Variants in MYO16 observed in about 807,000 individuals in gnomAD.
MYO16 encodes myosin XVI.
A neutral mutation model predicts 205.3 loss-of-function variants in MYO16; 94 were observed. The ratio of observed to expected loss-of-function variants is 0.46; its 90% confidence interval spans 0.39 to 0.54. The LOEUF (loss-of-function observed/expected upper bound fraction) is 0.54, where lower values mean the gene tolerates loss of function less well. Ranked by LOEUF, MYO16 falls within the 20% of genes least tolerant of loss-of-function variation. The probability of loss-of-function intolerance (pLI) is 0.00; values close to 1 mark genes in which losing one functional copy is unlikely to be tolerated. For synonymous variants in MYO16, 988 were observed against 954.0 expected, an observed-to-expected ratio of 1.04 and a Z score of -0.66; for missense variants, 2,315 against 2,387.5, an observed-to-expected ratio of 0.97 and a Z score of 0.63.
chr13:108,960,227 A>G (rs1883529050), intron 17 of MYO16, among the ~76,000 whole-genome samples: 1 of 147,004 alleles, frequency 6.8e-6, no homozygotes, highest in Admixed American at 7.0e-5. Flanking sequence ...GTAAGTTATG[A>G]TTGCGCCACT....
At chr13:109,176,603 A>AAAAAAAAAAAAAAAAAAAAAAAAAC (rs1210061351) in intron 33 of MYO16, among the ~76,000 whole-genome samples, 1 of 142,676 alleles carries the variant, frequency 7.0e-6, no homozygotes, top group African/African-American at 2.6e-5. Context: ...AAAAAAAAAG[A>AAAAAAAAAAAAAAAAAAAAAAAAAC]CCTCCTTTGC....
chr13:109,019,871 A>G lies in MYO16; in HGVS notation c.2756A>G (p.Asp919Gly). 6.2e-7 allele frequency: 1 copy of G among 1,614,140 alleles called. No individual in the cohort carries two copies. The highest frequency in any genetic ancestry group is 8.5e-7 in the Non-Finnish European group (1 of 1,180,008). ...GGGAATGGGAATGTTGCCCTCAAAGACCACGGTACAGCCTTCACCATCATG... is the reference window on the plus strand; with the variant it reads ...GGGAATGGGAATGTTGCCCTCAAAGGCCACGGTACAGCCTTCACCATCATG... Reference protein sequence around the residue: ...KDGNGNVALKDHGTAFTIMHY... With the variant: ...KDGNGNVALKGHGTAFTIMHY... Residue 919 changes from aspartate (D) to glycine (G), a missense_variant, in exon 23 of 35, where the codon GAC becomes GGC. Physicochemically the swap from Asp to Gly is moderately conservative, Grantham distance 94. This residue lies in a region of MYO16 where 1,213 missense variants were observed against 1,274.4 expected (regional missense o/e 0.95). Coordinates refer to ENST00000457511, the MANE Select transcript of MYO16 (RefSeq NM_001198950.3).
chr13:108,909,039 A>C (rs536041722), intron 15 of MYO16, among the ~76,000 whole-genome samples: 1 of 125,198 alleles, frequency 8.0e-6, no homozygotes, highest in African/African-American at 2.7e-5. Context: ...ACATAATCTG[A>C]TTATTCATAA....
At chr13:108,655,950 A>G (rs1186852717) in intron 1 of MYO16, among the ~76,000 whole-genome samples, 4 of 152,194 alleles carry the variant, frequency 2.6e-5, no homozygotes, top group Non-Finnish European at 5.9e-5. Flanking sequence ...TCGATTTTAC[A>G]GGCTCATAGG....
chr13:108,862,605 A>T (rs1054689492), intron 11 of MYO16, among the ~76,000 whole-genome samples: 4 of 152,188 alleles, frequency 2.6e-5, no homozygotes, highest in Non-Finnish European at 2.9e-5. Context: ...TCCTAAACAA[A>T]TCACCAAATA....
chr13:108,654,096 G>A (rs1881136215), intron 1 of MYO16, among the ~76,000 whole-genome samples: 1 of 147,144 alleles, frequency 6.8e-6, no homozygotes, highest in East Asian at 2.0e-4. Context: ...TGGCTTATGG[G>A]ATGGGGTTAG....
intron 2 of MYO16, among the ~76,000 whole-genome samples, chr13:108,690,186 G>C (rs1278388169): frequency 6.6e-6 from 1 of 151,942 alleles, no homozygotes; most frequent in Non-Finnish European, 1.5e-5. Context: ...TGAATCCTTT[G>C]GACTTCAGTG....
chr13:108,974,428 C>G (rs557759221), intron 20 of MYO16, among the ~76,000 whole-genome samples: 3 of 152,026 alleles, frequency 2.0e-5, no homozygotes, highest in Non-Finnish European at 4.4e-5. Context: ...TACAGTTTTC[C>G]ATATAACTTC....
At chr13:109,161,261 C>T (rs1878367752) in intron 32 of MYO16, among the ~76,000 whole-genome samples, 1 of 152,204 alleles carries the variant, frequency 6.6e-6, no homozygotes, top group African/African-American at 2.4e-5. Flanking sequence ...GTAAACTCGT[C>T]ACAGGAAAGA....
chr13:108,957,572 A>AC, intron 16 of MYO16, 116 bp from the exon 17 acceptor site: 1 of 655,410 alleles, frequency 1.5e-6, no homozygotes, highest in East Asian at 2.8e-5. Context: ...ACGTGGGGAC[A>AC]CCATGTCCAG....
rs756582145 is a variant in MYO16 at position 109,019,788 on chromosome 13, A to T, written c.2673A>T (p.Lys891Asn). ...CAGTGGAATCAAATTTTCCAAAAAAACTACAAAGTCTCCTAGAATCCTCAA... is the reference window on the plus strand; with the variant it reads ...CAGTGGAATCAAATTTTCCAAAAAATCTACAAAGTCTCCTAGAATCCTCAA... ...IWSVESNFPKKLQSLLESSNT... is the reference protein window; with the variant it reads ...IWSVESNFPKNLQSLLESSNT... The change falls in exon 23 of 35, where the codon AAA becomes AAT. Residue 891 changes from lysine (K) to asparagine (N), a missense_variant. By Grantham distance (94) the Lys-to-Asn change is moderately conservative. This residue lies in a region of MYO16 where 1,213 missense variants were observed against 1,274.4 expected (regional missense o/e 0.95). Coordinates refer to ENST00000457511, the MANE Select transcript of MYO16 (RefSeq NM_001198950.3). 3.7e-6 allele frequency: 6 copies of T among 1,614,154 alleles called. No individual in the cohort carries two copies. The highest frequency in any genetic ancestry group is 1.7e-6 in the Non-Finnish European group (2 of 1,180,002).
the MYO16 span, among the ~76,000 whole-genome samples, chr13:108,496,223 C>T: frequency 1.3e-5 from 2 of 152,164 alleles, no homozygotes; most frequent in Admixed American, 1.3e-4. Context: ...GGAGTAGAAG[C>T]CTTCTGAACT....
At chr13:108,749,800 T>C (rs1392932888) in intron 4 of MYO16, among the ~76,000 whole-genome samples, 1 of 152,246 alleles carries the variant, frequency 6.6e-6, no homozygotes, top group African/African-American at 2.4e-5. Context: ...AGTTGAAAAC[T>C]TATGGCCATT....
At position 108,731,134 on chromosome 13, in the gene MYO16, TTGTC is replaced by T. The variant is rs1594247010; in HGVS notation, c.507+3553_507+3556del. Among the ~76,000 whole-genome samples the T allele has an allele frequency of 3.9e-5, 6 of 152,276 alleles. No individual in the cohort carries two copies. In the East Asian group the frequency reaches 1.2e-3, roughly 29 times the overall value. ...AATTTGATGTATATTCAGTAATTCT[TTGTC>T]TAACTAACACCAGCTTCAGGTTAGG... is the stretch of plus-strand genomic sequence containing the variant. On this transcript the variant is annotated intron_variant, in intron 4 of 34. Coordinates refer to ENST00000457511, the MANE Select transcript of MYO16 (RefSeq NM_001198950.3).
chr13:108,706,401 T>C (rs1343672787), intron 2 of MYO16, among the ~76,000 whole-genome samples: 1 of 152,156 alleles, frequency 6.6e-6, no homozygotes, highest in African/African-American at 2.4e-5. Flanking sequence ...GTGTGATCCT[T>C]GAGGAGGAGA....
intron 16 of MYO16, among the ~76,000 whole-genome samples, chr13:108,937,864 T>G (rs564312657): frequency 6.6e-6 from 1 of 152,322 alleles, no homozygotes; most frequent in South Asian, 2.1e-4. Flanking sequence ...ATGCTTTGAA[T>G]GCTTTACCTG....
chr13:108,692,687 A>G (rs1253930758), intron 2 of MYO16, among the ~76,000 whole-genome samples: 3 of 152,224 alleles, frequency 2.0e-5, no homozygotes, highest in Non-Finnish European at 4.4e-5. Flanking sequence ...GACAACAGTT[A>G]TGAATGCTTA....
chr13:108,561,981 A>ACCTT, the MYO16 span, among the ~76,000 whole-genome samples: 23 of 152,082 alleles, frequency 1.5e-4, no homozygotes, highest in Admixed American at 2.0e-4. Context: ...AATCAATTAA[A>ACCTT]CCTTCGAATT....
chr13:108,534,930 C>A, the MYO16 span, among the ~76,000 whole-genome samples: 1 of 149,744 alleles, frequency 6.7e-6, no homozygotes, highest in African/African-American at 2.5e-5. Flanking sequence ...TCTCTTCCTT[C>A]TTCCTCTCTT....
Sources: allele counts gnomAD v4.1 joint callset (sites outside exome capture counted in the v4.1 genomes callset), GRCh38; gene constraint gnomAD v4.1.1; regional missense constraint gnomAD v4.1.1; transcripts MANE v1.5; gene names NCBI Gene and HGNC (gene_info 2026-07-23, HGNC 2026-07-21).